Variants in GRM5 observed in about 807,000 individuals in gnomAD.
GRM5 encodes metabotropic glutamate receptor 5.
Under a neutral mutation model 83.1 loss-of-function variants are expected in GRM5, and 19 were observed. The observed-to-expected ratio is 0.23, with a 90% CI of 0.16 to 0.34. The LOEUF is 0.34. Ranked by LOEUF, GRM5 falls within the 10% of genes least tolerant of loss-of-function variation. GRM5 has a pLI of 1.00. For missense variants in GRM5, 1,160 were observed against 1,588.3 expected, an observed-to-expected ratio of 0.73 and a Z score of 4.58; for synonymous variants, 675 against 633.6, an observed-to-expected ratio of 1.07 and a Z score of -0.98.
In GRM5 at chr11:88,959,506, T is replaced by C. The variant is rs555856623; in HGVS notation, c.661+87706A>G. Among the ~76,000 whole-genome samples the C allele has an allele frequency of 2.6e-5, 4 of 152,256 alleles. No individual in the cohort carries two copies. In the South Asian group the frequency reaches 8.3e-4, roughly 31 times the overall value. On this transcript the variant is annotated intron_variant, in intron 2 of 9. Coordinates refer to ENST00000305447, the MANE Select transcript of GRM5 (RefSeq NM_001143831.3). ...AATAACTTTATTTTTATCTGCATTT[T>C]AGATTTTAAAATGTCAAATTCTAAA...
intron 2 of GRM5, among the ~76,000 whole-genome samples, chr11:89,035,001 C>A (rs1041134888): frequency 1.3e-5 from 2 of 151,188 alleles, no homozygotes; most frequent in Non-Finnish European, 3.0e-5. Flanking sequence ...ATAATGGAAT[C>A]TATAGTTATT....
At chr11:88,749,267 A>G (rs953342308) in intron 3 of GRM5, among the ~76,000 whole-genome samples, 1 of 152,162 alleles carries the variant, frequency 6.6e-6, no homozygotes, top group African/African-American at 2.4e-5. Flanking sequence ...TAATGGAGAT[A>G]AAAAACACAA....
chr11:88,872,312 A>G (rs1944783096), intron 2 of GRM5, among the ~76,000 whole-genome samples: 1 of 151,640 alleles, frequency 6.6e-6, no homozygotes, highest in Admixed American at 6.6e-5. Context: ...TCATCTAAAA[A>G]TTATAATACA....
intron 8 of GRM5, among the ~76,000 whole-genome samples, chr11:88,552,962 C>A (rs1942546089): frequency 6.6e-6 from 1 of 152,174 alleles, no homozygotes; most frequent in Non-Finnish European, 1.5e-5. Context: ...AAAAAGACAG[C>A]CAAGACATCA....
At chr11:88,562,500 C>T (rs1942780568) in intron 8 of GRM5, among the ~76,000 whole-genome samples, 1 of 152,020 alleles carries the variant, frequency 6.6e-6, no homozygotes, top group South Asian at 2.1e-4. Context: ...AAATGTTAGA[C>T]TAGTTATACA....
At chr11:88,991,150 G>A (rs1273262636) in intron 2 of GRM5, among the ~76,000 whole-genome samples, 1 of 152,084 alleles carries the variant, frequency 6.6e-6, no homozygotes, top group Non-Finnish European at 1.5e-5. Flanking sequence ...AAGCTGATAA[G>A]CAACTTCAGC....
intron 3 of GRM5, among the ~76,000 whole-genome samples, chr11:88,767,933 A>T (rs561324977): frequency 6.6e-6 from 1 of 152,140 alleles, no homozygotes; most frequent in East Asian, 1.9e-4. Flanking sequence ...AAAAAGAAAA[A>T]AGTAATAACA....
intron 4 of GRM5, among the ~76,000 whole-genome samples, chr11:88,628,467 T>A (rs986768073): frequency 5.3e-5 from 8 of 152,232 alleles, no homozygotes; most frequent in Non-Finnish European, 1.2e-4. Flanking sequence ...ATTTAGGTTA[T>A]ATTTAATATC....
intron 2 of GRM5, among the ~76,000 whole-genome samples, chr11:88,877,784 G>T (rs1944882299): frequency 6.6e-6 from 1 of 150,578 alleles, no homozygotes; most frequent in Non-Finnish European, 1.5e-5. Flanking sequence ...GAGCCAATAT[G>T]CTGCTGCTGC....
intron 2 of GRM5, among the ~76,000 whole-genome samples, chr11:88,979,363 A>C (rs1447555297): frequency 2.0e-5 from 3 of 152,230 alleles, no homozygotes; most frequent in African/African-American, 4.8e-5. Context: ...CTGGAACCAA[A>C]TATTTCCTGG....
intron 1 of GRM5, among the ~76,000 whole-genome samples, chr11:89,056,658 C>A (rs750665771): frequency 5.3e-5 from 8 of 151,984 alleles, no homozygotes; most frequent in Non-Finnish European, 1.0e-4. Context: ...GCAGGTTTAT[C>A]CTGTAGATAA....
intron 2 of GRM5, among the ~76,000 whole-genome samples, chr11:88,970,081 T>A (rs747077163): frequency 2.0e-5 from 3 of 152,184 alleles, no homozygotes; most frequent in African/African-American, 7.2e-5. Flanking sequence ...AGTGACCTTA[T>A]TCAGTGTACA....
chr11:88,853,941 C>T (rs1406221816), intron 2 of GRM5, among the ~76,000 whole-genome samples: 1 of 151,322 alleles, frequency 6.6e-6, no homozygotes, highest in East Asian at 1.9e-4. Flanking sequence ...ATGATAATCA[C>T]CCCTACCCCT....
At position 89,041,479 on chromosome 11, in the gene GRM5, T is replaced by G. The variant is rs539019904; in HGVS notation, c.661+5733A>C. 3.4e-4 allele frequency among the ~76,000 whole-genome samples: 52 copies of G among 152,310 alleles called. 1 individual carries two copies. The highest frequency in any genetic ancestry group is 1.1e-3 in the African/African-American group (45 of 41,572). ...GTGAGCCAGAGTCTAAGCCAGAAAT[T>G]GTATCATTAGAAATGAATCTGAATA... On this transcript the variant is annotated intron_variant, in intron 2 of 9. Transcript: ENST00000305447.
At chr11:88,516,059 G>A (rs1309872854) in intron 9 of GRM5, among the ~76,000 whole-genome samples, 4 of 152,182 alleles carry the variant, frequency 2.6e-5, no homozygotes, top group Non-Finnish European at 5.9e-5. Context: ...TTACAAGTCT[G>A]TTCCTGCACT....
intron 3 of GRM5, among the ~76,000 whole-genome samples, chr11:88,658,955 T>G (rs531596464): frequency 6.6e-6 from 1 of 152,150 alleles, no homozygotes; most frequent in South Asian, 2.1e-4. Context: ...AAAGACATGA[T>G]GAGAAGTAGA....
chr11:88,779,560 CAA>C (rs1942932597), intron 3 of GRM5, among the ~76,000 whole-genome samples: 1 of 152,012 alleles, frequency 6.6e-6, no homozygotes, highest in Admixed American at 6.6e-5. Flanking sequence ...CTTTCAGAAA[CAA>C]GAGGAAATGA....
At chr11:88,908,170 T>A (rs1002445244) in intron 2 of GRM5, among the ~76,000 whole-genome samples, 1 of 152,148 alleles carries the variant, frequency 6.6e-6, no homozygotes, top group Non-Finnish European at 1.5e-5. Flanking sequence ...TTTCCATATT[T>A]GAGAAAATTA....
At chr11:89,021,846 A>AT (rs1260995989) in intron 2 of GRM5, among the ~76,000 whole-genome samples, 2 of 152,070 alleles carry the variant, frequency 1.3e-5, no homozygotes, top group East Asian at 1.9e-4. Context: ...ATTCAGAAGT[A>AT]TTTTTTTCCA....
Sources: gnomAD v4.1 joint callset for allele counts (sites outside exome capture counted in the v4.1 genomes callset) on GRCh38, gnomAD v4.1.1 for gene constraint, MANE v1.5 for transcripts, NCBI Gene and HGNC (gene_info 2026-07-23, HGNC 2026-07-21) for gene names.